Variants in LRRC7 observed in about 807,000 individuals in gnomAD.
The protein encoded by LRRC7 is leucine rich repeat containing 7.
Under a neutral mutation model 175.7 loss-of-function variants are expected in LRRC7, and 23 were observed. The ratio of observed to expected loss-of-function variants is 0.13; its 90% CI spans 0.09 to 0.19. The LOEUF (loss-of-function observed/expected upper bound fraction) is 0.19, where lower values mean the gene tolerates loss of function less well. Among genes scored for constraint, LRRC7 ranks in the 10% least tolerant of loss-of-function variants. LRRC7 has a pLI of 1.00. For missense variants in LRRC7, 1,354 were observed against 1,904.7 expected, an observed-to-expected ratio of 0.71 and a Z score of 5.38; for synonymous variants, 685 against 680.9, an observed-to-expected ratio of 1.01 and a Z score of -0.09.
chr1:69,597,526 AG>A (rs1361223774), intron 1 of LRRC7, among the ~76,000 whole-genome samples: 2 of 152,194 alleles, frequency 1.3e-5, no homozygotes, highest in Non-Finnish European at 2.9e-5. Context: ...CCATTAAATG[AG>A]ACTGGTCTCA....
chr1:69,897,682 A>T (rs115234715), intron 7 of LRRC7, among the ~76,000 whole-genome samples: 1,896 of 139,314 alleles, frequency 0.014, 33 homozygotes, highest in African/African-American at 0.044. Context: ...AAGGTTTATA[A>T]AAAAAAATGT....
At chr1:69,748,695 A>T (rs1669511617) in intron 2 of LRRC7, among the ~76,000 whole-genome samples, 1 of 152,124 alleles carries the variant, frequency 6.6e-6, no homozygotes, top group Non-Finnish European at 1.5e-5. Flanking sequence ...AAAATTTCTC[A>T]GGAGATCTTA....
intron 2 of LRRC7, among the ~76,000 whole-genome samples, chr1:69,742,370 CAT>C (rs1328046399): frequency 9.2e-5 from 14 of 152,004 alleles, no homozygotes; most frequent in Admixed American, 1.3e-4. Flanking sequence ...AACTAAGTAA[CAT>C]AGAATATTCA....
rs1571119251 is a variant in LRRC7 at position 70,036,601 on chromosome 1, A to G, written c.2265A>G (p.Val755=). 6.2e-7 allele frequency: 1 copy of G among 1,612,492 alleles called. No homozygotes were observed. Among genetic ancestry groups the G allele is most frequent in the Non-Finnish European group, 8.5e-7 (1 of 1,179,572 alleles). ...GSLQTTAKDA[V]HNSLWGNRIA... ...TGCAGACAACAGCTAAAGATGCAGT[A>G]CATAATTCTTTGTGGGGTAACAGGT... The change falls in exon 20 of 27, where the codon GTA becomes GTG. Residue 755 remains valine (V), a synonymous_variant. Coordinates refer to ENST00000651989, the MANE Select transcript of LRRC7 (RefSeq NM_001370785.2).
Position 70,140,382 on chromosome 1 carries a change from T to C in LRRC7, c.*18495T>C, listed in dbSNP as rs1259157920. Reference sequence around the variant, plus strand: ...GACCAGCTACTGGTAAGTCATTTTGTCCATTTTCATTGATCTGGCCACATA... The same window carrying C: ...GACCAGCTACTGGTAAGTCATTTTGCCCATTTTCATTGATCTGGCCACATA... On this transcript the variant is annotated 3_prime_UTR_variant, in exon 27 of 27. Transcript: ENST00000651989. 2.0e-5 allele frequency: 3 copies of C among 152,304 alleles called. No homozygotes were observed. In the East Asian group the frequency reaches 5.8e-4, roughly 29 times the overall value. 9.4% of individuals were successfully genotyped at this position (152,304 alleles called of 1,614,324 possible).
intron 1 of LRRC7, among the ~76,000 whole-genome samples, chr1:69,580,617 C>A (rs1646158185): frequency 6.6e-6 from 1 of 152,042 alleles, no homozygotes; most frequent in Non-Finnish European, 1.5e-5. Flanking sequence ...TAAAAATCTA[C>A]CATATCTACT....
At chr1:69,981,130 A>AAG (rs1491288616) in intron 9 of LRRC7, among the ~76,000 whole-genome samples, 3 of 151,264 alleles carry the variant, frequency 2.0e-5, no homozygotes, top group Non-Finnish European at 4.4e-5. Context: ...CACACACACC[A>AAG]AGAGAGAGAG....
At chr1:69,685,000 A>G (rs905932695) in intron 2 of LRRC7, among the ~76,000 whole-genome samples, 1 of 152,186 alleles carries the variant, frequency 6.6e-6, no homozygotes, top group African/African-American at 2.4e-5. Flanking sequence ...AGTGTCATAA[A>G]GAGACCCAGG....
At chr1:69,999,078 C>T (rs1655281228) in intron 11 of LRRC7, among the ~76,000 whole-genome samples, 1 of 152,346 alleles carries the variant, frequency 6.6e-6, no homozygotes, top group Middle Eastern at 3.4e-3. Context: ...GTACACACAG[C>T]CTAAACTACA....
chr1:70,024,584 C>T (rs1657884936), intron 17 of LRRC7, among the ~76,000 whole-genome samples: 1 of 151,846 alleles, frequency 6.6e-6, no homozygotes, highest in Non-Finnish European at 1.5e-5. Flanking sequence ...GAGTGATCAA[C>T]ACAACACAGT....
rs12069888 is a variant in LRRC7 at position 70,039,098 on chromosome 1, C to T, written c.3274C>T (p.His1092Tyr). 2,626 of 1,614,110 alleles carry T rather than the reference C, an allele frequency of 1.6e-3. 38 individuals are homozygous for T. In the African/African-American group the frequency reaches 0.032, roughly 20 times the overall value. Reference protein sequence around the residue: ...AEKRIPPPFQHNPEYVQQASK... With the variant: ...AEKRIPPPFQYNPEYVQQASK... Reference sequence around the variant, plus strand: ...AAAGAGGATACCACCCCCTTTTCAACACAATCCCGAGTACGTGCAACAGGC... The same window carrying T: ...AAAGAGGATACCACCCCCTTTTCAATACAATCCCGAGTACGTGCAACAGGC... The change falls in exon 21 of 27, where the codon CAC (histidine) becomes TAC (tyrosine). Residue 1092 changes from histidine to tyrosine, a missense_variant. His to Tyr is a moderately conservative substitution (Grantham distance 83). This residue lies in a region of LRRC7 where 1,032 missense variants were observed against 1,227.2 expected (regional missense o/e 0.84). Transcript: ENST00000651989.
intron 1 of LRRC7, among the ~76,000 whole-genome samples, chr1:69,616,335 AT>A (rs1432718062): frequency 6.6e-6 from 1 of 152,054 alleles, no homozygotes; most frequent in African/African-American, 2.4e-5. Context: ...TGGATCAATT[AT>A]TCTCTATTAA....
In LRRC7 at chr1:70,038,231, A is replaced by G. The variant is rs1369094910; in HGVS notation, c.2407A>G (p.Thr803Ala). 1 of 1,614,168 alleles carries G rather than the reference A, an allele frequency of 6.2e-7. No homozygotes were observed. The highest frequency in any genetic ancestry group is 1.1e-5 in the South Asian group (1 of 91,082). Reference protein sequence around the residue: ...PDRLPMSDTFTDNWTDGSHYD... With the variant: ...PDRLPMSDTFADNWTDGSHYD... ...CCGGCTGCCCATGAGTGATACTTTC[A>G]CTGACAACTGGACTGATGGCTCGCA... The change falls in exon 21 of 27, where the codon ACT becomes GCT. Residue 803 changes from threonine to alanine, a missense_variant. By Grantham distance (58) the Thr-to-Ala change is moderately conservative. This residue lies in a region of LRRC7 where 1,032 missense variants were observed against 1,227.2 expected (regional missense o/e 0.84). Transcript: ENST00000651989.
chr1:69,957,808 T>C (rs1401088133), intron 8 of LRRC7, among the ~76,000 whole-genome samples: 11 of 151,906 alleles, frequency 7.2e-5, no homozygotes, highest in Admixed American at 7.2e-4. Flanking sequence ...TAAAAAGAAA[T>C]TTCAGGTTAC....
chr1:69,587,257 T>C (rs1487102583), intron 1 of LRRC7, among the ~76,000 whole-genome samples: 1 of 152,168 alleles, frequency 6.6e-6, no homozygotes, highest in Non-Finnish European at 1.5e-5. Flanking sequence ...AATTTTATGA[T>C]CTCCAATTTC....
At chr1:69,654,828 G>C (rs1656374881) in intron 1 of LRRC7, among the ~76,000 whole-genome samples, 1 of 152,082 alleles carries the variant, frequency 6.6e-6, no homozygotes, top group South Asian at 2.1e-4. Context: ...ATTAATAAAT[G>C]ATAAATTGTT....
intron 25 of LRRC7, among the ~76,000 whole-genome samples, chr1:70,102,060 A>G (rs1008425141): frequency 9.9e-5 from 15 of 152,258 alleles, no homozygotes; most frequent in African/African-American, 2.4e-4. Flanking sequence ...TGTGAGAGAC[A>G]TAAGAAAAAC....
chr1:70,030,434 C>A (rs1223297866), intron 18 of LRRC7, among the ~76,000 whole-genome samples: 1 of 152,086 alleles, frequency 6.6e-6, no homozygotes, highest in Non-Finnish European at 1.5e-5. Flanking sequence ...TTTAACCATC[C>A]TACAGCAAAG....
At chr1:69,639,583 G>A (rs986087264) in intron 1 of LRRC7, among the ~76,000 whole-genome samples, 1 of 151,682 alleles carries the variant, frequency 6.6e-6, no homozygotes, top group African/African-American at 2.4e-5. Flanking sequence ...TCTTTAAAGG[G>A]GTTTTAGATT....
Sources: gnomAD v4.1 joint callset for allele counts (sites outside exome capture counted in the v4.1 genomes callset) on GRCh38, gnomAD v4.1.1 for gene constraint, gnomAD v4.1.1 regional missense constraint, MANE v1.5 for transcripts, NCBI Gene and HGNC (gene_info 2026-07-23, HGNC 2026-07-21) for gene names.